The following DPF3 variants were observed in gnomAD, a reference collection of about 807,000 sequenced individuals.
DPF3 encodes double PHD fingers 3.
In DPF3, 18 loss-of-function variants were observed where a neutral mutation model predicts 56.8. That is an observed-to-expected ratio of 0.32 (90% CI 0.22 to 0.47). DPF3 has a LOEUF of 0.47. Among genes scored for constraint, DPF3 ranks in the 20% least tolerant of loss-of-function variants. The pLI is 1.00. For synonymous variants in DPF3, 188 were observed against 180.2 expected, an observed-to-expected ratio of 1.04 and a Z score of -0.35; for missense variants, 403 against 488.8, an observed-to-expected ratio of 0.82 and a Z score of 1.65.
At chr14:72,800,450 A>T (rs1477430989) in intron 1 of DPF3, among the ~76,000 whole-genome samples, 1 of 151,970 alleles carries the variant, frequency 6.6e-6, no homozygotes, top group South Asian at 2.1e-4. Flanking sequence ...GCATGGATGC[A>T]TGGATGGATG....
At chr14:72,674,507 C>T (rs577139783) in intron 7 of DPF3, 139 bp from the exon 8 acceptor site, 105 of 1,297,134 alleles carry the variant, frequency 8.1e-5, no homozygotes, top group East Asian at 7.7e-5. Flanking sequence ...AATTGGGCTA[C>T]GCTTTCTTTT....
intron 7 of DPF3, among the ~76,000 whole-genome samples, chr14:72,674,969 C>T (rs1886846750): frequency 6.6e-6 from 1 of 152,230 alleles, no homozygotes; most frequent in Non-Finnish European, 1.5e-5. Context: ...TCCCTGAAGT[C>T]CAGACCCATT....
Position 72,886,612 on chromosome 14 carries a change from C to T in DPF3, c.32+7445G>A, listed in dbSNP as rs141873698. On this transcript the variant is annotated intron_variant, in intron 1 of 10. Transcript: ENST00000556509. ...CAATAAAGAAAAATTGAGGGAATGC[C>T]TCTCTCTGCTGGAGGTCAGGGTGAC... 6.2e-3 allele frequency among the ~76,000 whole-genome samples: 944 copies of T among 152,144 alleles called. 3 individuals carry two copies. Among genetic ancestry groups the T allele is most frequent in the Non-Finnish European group, 0.012 (790 of 68,002 alleles).
At chr14:72,677,210 C>T (rs565551886) in intron 7 of DPF3, among the ~76,000 whole-genome samples, 39 of 152,206 alleles carry the variant, frequency 2.6e-4, no homozygotes, top group African/African-American at 9.2e-4. Flanking sequence ...CTGGCAATGG[C>T]CCAGTATAGA....
At chr14:72,698,917 G>A (rs1007478885) in intron 6 of DPF3, among the ~76,000 whole-genome samples, 1 of 152,150 alleles carries the variant, frequency 6.6e-6, no homozygotes, top group Non-Finnish European at 1.5e-5. Context: ...CCTCACTTGT[G>A]GCAGGTGCTC....
At position 72,731,804 on chromosome 14, in the gene DPF3, T is replaced by C. The variant is rs1162789218; in HGVS notation, c.429+3A>G. 6.2e-7 allele frequency: 1 copy of C among 1,613,460 alleles called. No individual in the cohort carries two copies. The highest frequency in any genetic ancestry group is 8.5e-7 in the Non-Finnish European group (1 of 1,179,712). On this transcript the variant is annotated splice_donor_region_variant and intron_variant, in intron 4 of 10. Coordinates refer to ENST00000556509, the MANE Select transcript of DPF3 (RefSeq NM_001280542.3). ...GTGGGGTCCCCAGCAGGTGTGGGAA[T>C]ACCTGTATTTCCTGGATGCTTTCCT...
intron 1 of DPF3, among the ~76,000 whole-genome samples, chr14:72,861,835 AT>A (rs1480993713): frequency 8.6e-5 from 13 of 151,604 alleles, no homozygotes; most frequent in African/African-American, 3.1e-4. Context: ...AGCATTTTCA[AT>A]TTTTCTTACT....
intron 1 of DPF3, among the ~76,000 whole-genome samples, chr14:72,813,477 T>A (rs988339239): frequency 3.3e-5 from 5 of 152,124 alleles, no homozygotes; most frequent in Admixed American, 2.6e-4. Context: ...GTCAGCCACT[T>A]CCCAGCCCAC....
rs141069859 is a variant in DPF3, at chr14:72,670,440, T to C, written c.871+3800A>G. ...CCAGGCATAGGCACCCCGACTTCTCTGGAACTACTGACATTTTCTCGCAAG... is the reference window on the plus strand; with the variant it reads ...CCAGGCATAGGCACCCCGACTTCTCCGGAACTACTGACATTTTCTCGCAAG... On this transcript the variant is annotated intron_variant, in intron 8 of 10. Coordinates refer to ENST00000556509, the MANE Select transcript of DPF3 (RefSeq NM_001280542.3). 1,674 of 985,908 alleles carry C rather than the reference T, an allele frequency of 1.7e-3. 27 individuals are homozygous for C. In the African/African-American group the frequency reaches 0.027, roughly 16 times the overall value. The allele number at this position is 985,908 out of a possible 1,614,324, so 61.1% of individuals were successfully genotyped here.
chr14:72,888,812 C>T (rs1886645350), intron 1 of DPF3, among the ~76,000 whole-genome samples: 1 of 152,154 alleles, frequency 6.6e-6, no homozygotes, highest in Admixed American at 6.5e-5. Flanking sequence ...TAGTGACTTT[C>T]AAAACACTCA....
intron 7 of DPF3, among the ~76,000 whole-genome samples, chr14:72,691,305 G>A (rs571092183): frequency 3.9e-5 from 6 of 152,292 alleles, no homozygotes; most frequent in Non-Finnish European, 7.4e-5. Flanking sequence ...TGTTGAAAGC[G>A]TAACCCATGG....
intron 7 of DPF3, among the ~76,000 whole-genome samples, chr14:72,686,489 G>A (rs1328896650): frequency 6.6e-6 from 1 of 152,236 alleles, no homozygotes; most frequent in Non-Finnish European, 1.5e-5. Context: ...GAAGATGGCA[G>A]ATTGCCAGGG....
At chr14:72,631,417 T>C (rs1212015551) in intron 8 of DPF3, among the ~76,000 whole-genome samples, 3 of 152,236 alleles carry the variant, frequency 2.0e-5, no homozygotes, top group African/African-American at 7.2e-5. Flanking sequence ...TAGCCAGGGT[T>C]ACTCCCTATT....
chr14:72,630,788 C>G (rs1567183180), intron 8 of DPF3, among the ~76,000 whole-genome samples: 2 of 152,232 alleles, frequency 1.3e-5, no homozygotes, highest in Non-Finnish European at 2.9e-5. Flanking sequence ...CGAGCACTCA[C>G]CGTTCTCCAG....
intron 1 of DPF3, among the ~76,000 whole-genome samples, chr14:72,782,313 TC>T (rs1892013204): frequency 6.6e-6 from 1 of 151,148 alleles, no homozygotes; most frequent in Admixed American, 6.6e-5. Context: ...AGCCTCCACC[TC>T]CCAGATTCAA....
chr14:72,739,240 T>TC (rs1366359491), intron 3 of DPF3, among the ~76,000 whole-genome samples: 1 of 132,024 alleles, frequency 7.6e-6, no homozygotes, highest in Non-Finnish European at 1.7e-5. Context: ...AGACTCTGTC[T>TC]CAAAAAAAAA....
chr14:72,756,589 G>A (rs1397377000), intron 2 of DPF3, among the ~76,000 whole-genome samples: 1 of 152,140 alleles, frequency 6.6e-6, no homozygotes, highest in African/African-American at 2.4e-5. Flanking sequence ...AAGGCCAGCA[G>A]ATCACTGAAG....
intron 1 of DPF3, among the ~76,000 whole-genome samples, chr14:72,868,708 T>A (rs142804082): frequency 1.3e-5 from 2 of 151,954 alleles, no homozygotes; most frequent in South Asian, 4.2e-4. Context: ...AGGCAGGGAG[T>A]GTCCATCAGA....
intron 2 of DPF3, among the ~76,000 whole-genome samples, chr14:72,755,400 GA>G (rs1890751444): frequency 6.6e-6 from 1 of 152,186 alleles, no homozygotes; most frequent in Non-Finnish European, 1.5e-5. Context: ...ATCTCCAGAA[GA>G]AGGGGCTGTT....
Sources: gnomAD v4.1 joint callset for allele counts (sites outside exome capture counted in the v4.1 genomes callset) on GRCh38, gnomAD v4.1.1 for gene constraint, MANE v1.5 for transcripts, NCBI Gene and HGNC (gene_info 2026-07-23, HGNC 2026-07-21) for gene names.